The following DLG1 variants were observed in gnomAD, a reference collection of about 807,000 sequenced individuals.
DLG1 encodes the protein disks large homolog 1.
DLG1 carries 42 observed loss-of-function variants against 123.4 expected under a neutral mutation model. That is an observed-to-expected ratio of 0.34 (90% CI 0.27 to 0.44). The LOEUF is 0.44. DLG1 is among the 20% of genes least tolerant of loss of function. The pLI is 1.00. For missense variants in DLG1, 942 were observed against 1,082.6 expected (o/e 0.87, Z 1.82); for synonymous variants, 317 against 356.2 (o/e 0.89, Z 1.24).
At chr3:197,106,332 G>GAGGCGGAAGTTACAGTGAGCTGAGATCA (rs1560707311) in intron 13 of DLG1, among the ~76,000 whole-genome samples, 2 of 151,930 alleles carry the variant, frequency 1.3e-5, no homozygotes, top group African/African-American at 4.8e-5. Context: ...CTTGAACCTG[G>GAGGCGGAAGTTACAGTGAGCTGAGATCA]GAGGCGGAAG....
At chr3:197,122,246 T>C (rs541110427) in intron 11 of DLG1, among the ~76,000 whole-genome samples, 3 of 152,096 alleles carry the variant, frequency 2.0e-5, no homozygotes, top group East Asian at 3.9e-4. Flanking sequence ...CCATAAATAA[T>C]TGGATAAAAT....
intron 5 of DLG1, among the ~76,000 whole-genome samples, chr3:197,183,066 A>AAT (rs1309836418): frequency 6.6e-6 from 1 of 152,204 alleles, no homozygotes; most frequent in Non-Finnish European, 1.5e-5. Context: ...AATAAGCCAT[A>AAT]ATATAGCTAA....
intron 13 of DLG1, among the ~76,000 whole-genome samples, chr3:197,105,348 AC>A (rs1765764846): frequency 6.6e-6 from 1 of 152,174 alleles, no homozygotes; most frequent in African/African-American, 2.4e-5. Context: ...TTTGCTAGGA[AC>A]TCAAGCAATG....
At chr3:197,189,150 G>A (rs1717800765) in intron 5 of DLG1, among the ~76,000 whole-genome samples, 1 of 152,050 alleles carries the variant, frequency 6.6e-6, no homozygotes, top group African/African-American at 2.4e-5. Flanking sequence ...TCTGACTTCT[G>A]GTAATCCATC....
chr3:197,058,207 T>C (rs550630365), intron 23 of DLG1, among the ~76,000 whole-genome samples: 1 of 152,282 alleles, frequency 6.6e-6, no homozygotes, highest in South Asian at 2.1e-4. Context: ...CTTGAACTCC[T>C]GAACTCAAAC....
At position 197,257,805 on chromosome 3, in the gene DLG1, A is replaced by G. The variant is rs534056008; in HGVS notation, c.318+24874T>C. 1.6e-3 allele frequency among the ~76,000 whole-genome samples: 237 copies of G among 152,322 alleles called. 1 individual carries two copies. Among genetic ancestry groups the G allele is most frequent in the South Asian group, 3.3e-3 (16 of 4,822 alleles). ...AACATAAGAAAATATACCATATATA[A>G]CAATAATCCTAAATCACTCTTGTTG... On this transcript the variant is annotated intron_variant, in intron 4 of 24. Transcript: ENST00000667157.
intron 11 of DLG1, among the ~76,000 whole-genome samples, chr3:197,119,805 C>G (rs988229175): frequency 6.6e-6 from 1 of 152,032 alleles, no homozygotes; most frequent in Non-Finnish European, 1.5e-5. Context: ...TATATACAGT[C>G]CAAATTTGAT....
rs746409955 is a variant in DLG1 at position 197,076,610 on chromosome 3, C to T, written c.1981G>A (p.Glu661Lys). 1 of 1,612,384 alleles carries T rather than the reference C, an allele frequency of 6.2e-7. No individual in the cohort carries two copies. The highest frequency in any genetic ancestry group is 8.5e-7 in the Non-Finnish European group (1 of 1,178,916). Reference sequence around the variant, plus strand: ...CGGTCAGCATCACTTGTTTCCTGCTCACTCTGGTCCTTGTTCTTGTAGAAG... The same window carrying T: ...CGGTCAGCATCACTTGTTTCCTGCTTACTCTGGTCCTTGTTCTTGTAGAAG... The part of the protein sequence containing the change: ...FPFYKNKDQS[E>K]QETSDADQHV... The change falls in exon 18 of 25, where the codon GAG becomes AAG. Residue 661 changes from glutamate to lysine, a missense_variant. Transcript: ENST00000667157.
chr3:197,047,330 C>CA (rs1724017207), intron 24 of DLG1, among the ~76,000 whole-genome samples: 1 of 152,020 alleles, frequency 6.6e-6, no homozygotes, highest in African/African-American at 2.4e-5. Flanking sequence ...AAAATGTTAA[C>CA]ACTTGAGGAA....
chr3:197,254,392 A>C (rs1163509194), intron 4 of DLG1, among the ~76,000 whole-genome samples: 2 of 152,218 alleles, frequency 1.3e-5, no homozygotes, highest in Non-Finnish European at 2.9e-5. Context: ...TAAAGCAGCA[A>C]CCTAACCCTA....
chr3:197,200,832 T>C (rs896177912), intron 4 of DLG1, among the ~76,000 whole-genome samples: 1 of 151,678 alleles, frequency 6.6e-6, no homozygotes, highest in African/African-American at 2.4e-5. Flanking sequence ...GAGAAACATA[T>C]CTCAACAAAA....
At chr3:197,044,764 T>A in intron 24 of DLG1, 35 bp from the exon 25 acceptor site, 1 of 1,332,882 alleles carries the variant, frequency 7.5e-7, no homozygotes, top group Non-Finnish European at 1.0e-6. Flanking sequence ...AAATCTCCAT[T>A]AATTGTCTAT....
intron 22 of DLG1, among the ~76,000 whole-genome samples, chr3:197,064,805 C>CT (rs916263674): frequency 6.6e-6 from 1 of 150,656 alleles, no homozygotes; most frequent in African/African-American, 2.4e-5. Context: ...ATTGATCTTT[C>CT]TTTTTTTTTC....
chr3:197,213,158 C>A (rs1056980602), intron 4 of DLG1, among the ~76,000 whole-genome samples: 2 of 152,174 alleles, frequency 1.3e-5, no homozygotes, highest in African/African-American at 4.8e-5. Context: ...AAGCTGTTAA[C>A]AATCTAAATG....
intron 11 of DLG1, among the ~76,000 whole-genome samples, chr3:197,128,784 G>C (rs1238902228): frequency 6.6e-6 from 1 of 152,162 alleles, no homozygotes; most frequent in Non-Finnish European, 1.5e-5. Context: ...TGCCATCATA[G>C]CTCTTGGGCA....
chr3:197,051,833 ATTTTTT>A (rs35979905), intron 23 of DLG1, among the ~76,000 whole-genome samples, 165 bp from the exon 24 acceptor site: 5 of 90,250 alleles, frequency 5.5e-5, no homozygotes, highest in African/African-American at 1.2e-4. Flanking sequence ...ATTTCTGGGA[ATTTTTT>A]TTTTTTTTTT....
chr3:197,259,092 TA>T (rs1370801450), intron 4 of DLG1, among the ~76,000 whole-genome samples: 1 of 151,340 alleles, frequency 6.6e-6, no homozygotes, highest in Non-Finnish European at 1.5e-5. Context: ...ATACTGGAAA[TA>T]AAACCAAAAT....
At chr3:197,296,955 G>T (rs1403861038) in intron 2 of DLG1, 17 of 548,630 alleles carry the variant, frequency 3.1e-5, no homozygotes, top group Non-Finnish European at 5.1e-5. Flanking sequence ...ACATCTGTTG[G>T]GGGGGGGCTA....
chr3:197,116,359 A>C (rs1380741543), intron 12 of DLG1, among the ~76,000 whole-genome samples: 2 of 152,200 alleles, frequency 1.3e-5, no homozygotes, highest in African/African-American at 4.8e-5. Flanking sequence ...AAGTATTATA[A>C]GAGCTTATCA....
Sources: gnomAD v4.1 joint callset for allele counts (sites outside exome capture counted in the v4.1 genomes callset) on GRCh38, gnomAD v4.1.1 for gene constraint, MANE v1.5 for transcripts, NCBI Gene and HGNC (gene_info 2026-07-23, HGNC 2026-07-21) for gene names.